DMD: variants seen among roughly 807,000 people sequenced by gnomAD.
The protein encoded by DMD is dystrophin, also known as mutant dystrophin.
DMD carries 63 observed loss-of-function variants against 330.1 expected under a neutral mutation model. The ratio of observed to expected loss-of-function variants is 0.19; its 90% confidence interval spans 0.16 to 0.24. The LOEUF (loss-of-function observed/expected upper bound fraction) is 0.24, where lower values mean the gene tolerates loss of function less well. Ranked by LOEUF, DMD falls within the 10% of genes least tolerant of loss-of-function variation. The probability of loss-of-function intolerance (pLI) is 1.00; values close to 1 mark genes in which losing one functional copy is unlikely to be tolerated. For synonymous variants in DMD, 1,223 were observed against 959.8 expected, an observed-to-expected ratio of 1.27 and a Z score of -5.07; for missense variants, 3,344 against 2,684.1, an observed-to-expected ratio of 1.25 and a Z score of -5.43.
At chrX:32,630,547 G>A (rs1186947646) in intron 11 of DMD, among the ~76,000 whole-genome samples, 1 of 110,853 alleles carries the variant, frequency 9.0e-6, no homozygotes, top group Non-Finnish European at 1.9e-5. Flanking sequence ...TCCTCTGACT[G>A]TATTTACAAA....
At chrX:31,258,744 A>G (rs1238450845) in intron 63 of DMD, among the ~76,000 whole-genome samples, 1 of 112,091 alleles carries the variant, frequency 8.9e-6, no homozygotes, top group Non-Finnish European at 1.9e-5. Context: ...CACCACATCT[A>G]AAGTATGGAG....
intron 52 of DMD, among the ~76,000 whole-genome samples, chrX:31,691,275 A>G (rs943299097): frequency 5.4e-5 from 6 of 111,416 alleles, no homozygotes; most frequent in Non-Finnish European, 7.5e-5. Context: ...AACTTATAAT[A>G]CATACATGAA....
chrX:31,649,111 C>T (rs2080286198), intron 54 of DMD, among the ~76,000 whole-genome samples: 2 of 111,283 alleles, frequency 1.8e-5, no homozygotes, highest in South Asian at 7.5e-4. Flanking sequence ...AAACTTTCTC[C>T]CATTTGCTTT....
chrX:32,781,445 G>A (rs2074750712), intron 7 of DMD, among the ~76,000 whole-genome samples: 1 of 111,838 alleles, frequency 8.9e-6, no homozygotes, highest in Non-Finnish European at 1.9e-5. Flanking sequence ...CAAAATCAAC[G>A]AAACATTTGA....
intron 2 of DMD, among the ~76,000 whole-genome samples, chrX:32,918,432 C>T (rs2088060492): frequency 9.0e-6 from 1 of 111,146 alleles, no homozygotes; most frequent in Non-Finnish European, 1.9e-5. Context: ...TTCACTGCAA[C>T]CTCTGCCTCC....
chrX:31,961,740 G>GTTTTTTTTTTTTTTTTTTTTTTTTTT (rs59279553), intron 45 of DMD, among the ~76,000 whole-genome samples: 1 of 75,639 alleles, frequency 1.3e-5, no homozygotes, highest in Non-Finnish European at 2.5e-5. Flanking sequence ...AAAGGAAGCG[G>GTTTTTTTTTTTTTTTTTTTTTTTTTT]TTTTTTTTTT....
intron 1 of DMD, among the ~76,000 whole-genome samples, chrX:33,045,706 T>C (rs2094371560): frequency 9.1e-6 from 1 of 110,475 alleles, no homozygotes; most frequent in Non-Finnish European, 1.9e-5. Flanking sequence ...AAGAGGAACA[T>C]TATAATGTCC....
chrX:31,958,120 TAA>T (rs201297224), intron 45 of DMD, among the ~76,000 whole-genome samples: 1,770 of 92,864 alleles, frequency 0.019, 57 homozygotes, highest in Non-Finnish European at 0.021. Context: ...TTTTTTTTTT[TAA>T]AAATGGTACA....
chrX:31,588,239 G>A (rs754075068), intron 55 of DMD, among the ~76,000 whole-genome samples: 13 of 111,584 alleles, frequency 1.2e-4, no homozygotes, highest in Non-Finnish European at 2.3e-4. Context: ...CCCAGGGCTA[G>A]CTAATTCCTA....
At chrX:32,332,691 C>G (rs748068970) in intron 41 of DMD, among the ~76,000 whole-genome samples, 1 of 110,113 alleles carries the variant, frequency 9.1e-6, no homozygotes, top group East Asian at 2.9e-4. Context: ...GTCAGATATC[C>G]CTTGAAATTC....
At position 31,523,870 on chromosome X, in the gene DMD, C is replaced by T. The variant is rs184971237; in HGVS notation, c.8218-16417G>A. ...TGCTACACAAAGATATGAGACAATG[C>T]CTGTTGTAGAGAAAAGAGCATTTTG... On this transcript the variant is annotated intron_variant, in intron 55 of 78. Transcript: ENST00000357033. Among the ~76,000 whole-genome samples the T allele has an allele frequency of 2.1e-4, 23 of 111,985 alleles. No homozygotes were observed. The East Asian group carries it at 3.4e-3, about 16-fold the overall frequency.
intron 9 of DMD, among the ~76,000 whole-genome samples, chrX:32,661,324 G>A (rs962111014): frequency 2.7e-5 from 3 of 110,671 alleles, no homozygotes; most frequent in Non-Finnish European, 5.7e-5. Context: ...GATGGTGTAA[G>A]CACTCCACTA....
chrX:33,127,864 A>G (rs1014011137), intron 1 of DMD, among the ~76,000 whole-genome samples: 1 of 111,638 alleles, frequency 9.0e-6, no homozygotes, highest in Non-Finnish European at 1.9e-5. Flanking sequence ...GACAAAGTTC[A>G]TTAAAGCCAC....
chrX:31,838,530 C>G (rs973077522), intron 48 of DMD, among the ~76,000 whole-genome samples: 7 of 112,067 alleles, frequency 6.2e-5, no homozygotes, highest in African/African-American at 2.3e-4. Flanking sequence ...GTATGTGTTT[C>G]TCTAAGACAA....
chrX:31,963,117 A>T (rs2150158623), intron 45 of DMD, among the ~76,000 whole-genome samples: 1 of 112,054 alleles, frequency 8.9e-6, no homozygotes, highest in Non-Finnish European at 1.9e-5. Flanking sequence ...ATAGAGCAAT[A>T]TGAATTGCTA....
chrX:33,053,454 G>T (rs1394904643), intron 1 of DMD, among the ~76,000 whole-genome samples: 2 of 109,684 alleles, frequency 1.8e-5, no homozygotes, highest in Non-Finnish European at 3.8e-5. Context: ...AAATTAGCCG[G>T]GCATGGTGGC....
intron 2 of DMD, among the ~76,000 whole-genome samples, chrX:32,870,924 A>T (rs1319389842): frequency 9.6e-6 from 1 of 104,407 alleles, no homozygotes; most frequent in Non-Finnish European, 2.0e-5. Context: ...CTAAAAATTA[A>T]CAACTGAGAT....
chrX:32,253,764 T>A (rs1182925800), intron 43 of DMD, among the ~76,000 whole-genome samples: 1 of 103,290 alleles, frequency 9.7e-6, no homozygotes, highest in Non-Finnish European at 2.0e-5. Context: ...GCTGGGACTA[T>A]AGGCGTGCAC....
intron 1 of DMD, among the ~76,000 whole-genome samples, chrX:33,151,665 AT>A (rs754101762): frequency 1.9e-3 from 214 of 111,672 alleles, no homozygotes; most frequent in South Asian, 3.7e-3. Context: ...AAGTTACTCA[AT>A]TTTTTCTGAT....
Sources: gnomAD v4.1 joint callset for allele counts (sites outside exome capture counted in the v4.1 genomes callset) on GRCh38, gnomAD v4.1.1 for gene constraint, MANE v1.5 for transcripts, NCBI Gene and HGNC (gene_info 2026-07-23, HGNC 2026-07-21) for gene names.